MYO3A: variants seen among roughly 807,000 people sequenced by gnomAD.
MYO3A encodes myosin-IIIa.
In MYO3A, 180 loss-of-function variants were observed where a neutral mutation model predicts 192.7. The ratio of observed to expected loss-of-function variants is 0.93; its 90% CI spans 0.83 to 1.06. The LOEUF (loss-of-function observed/expected upper bound fraction) is 1.06. MYO3A is among the 50% of genes least tolerant of loss of function. The probability of loss-of-function intolerance (pLI) is 0.00; values close to 1 mark genes in which losing one functional copy is unlikely to be tolerated. For synonymous variants in MYO3A, 628 were observed against 645.3 expected, an observed-to-expected ratio of 0.97 and a Z score of 0.41; for missense variants, 1,896 against 1,905.0, an observed-to-expected ratio of 1.00 and a Z score of 0.09.
intron 31 of MYO3A, among the ~76,000 whole-genome samples, chr10:26,186,864 G>C (rs527783504): frequency 6.6e-6 from 1 of 152,098 alleles, no homozygotes; most frequent in East Asian, 1.9e-4. Context: ...CCAAATAAAG[G>C]TTTTTGCCTA....
intron 17 of MYO3A, among the ~76,000 whole-genome samples, chr10:26,118,616 G>A (rs1008687526): frequency 5.3e-5 from 8 of 151,256 alleles, no homozygotes; most frequent in African/African-American, 1.5e-4. Flanking sequence ...CTGGCAATTA[G>A]CACATAAATC....
At position 26,008,277 on chromosome 10, in the gene MYO3A, A is replaced by G. The variant is rs1165848627; in HGVS notation, c.509-8543A>G. On this transcript the variant is annotated intron_variant, in intron 6 of 34. Coordinates refer to ENST00000642920, the MANE Select transcript of MYO3A (RefSeq NM_017433.5). ...AACCATTAGACCTAAAACCATAAAAACCCTAGAAGAAAACCTAGGCATTAC... is the reference window on the plus strand; with the variant it reads ...AACCATTAGACCTAAAACCATAAAAGCCCTAGAAGAAAACCTAGGCATTAC... Among the ~76,000 whole-genome samples the G allele has an allele frequency of 1.4e-5, 2 of 148,078 alleles. 1 individual carries two copies. Among genetic ancestry groups the G allele is most frequent in the African/African-American group, 5.2e-5 (2 of 38,214 alleles).
At position 26,163,993 on chromosome 10, in the gene MYO3A, A is replaced by G. The variant is rs527317414; in HGVS notation, c.3000-2074A>G. On this transcript the variant is annotated intron_variant, in intron 26 of 34. Transcript: ENST00000642920. ...AGAGCAAGACAGAACAGCCAATAAC[A>G]GCAAGTGCTGCAGAAAAAACGCTTA... is the stretch of plus-strand genomic sequence containing the variant. 3.9e-5 allele frequency among the ~76,000 whole-genome samples: 6 copies of G among 152,368 alleles called. 1 individual carries two copies. The South Asian group carries it at 1.2e-3, about 32-fold the overall frequency.
At chr10:25,968,819 T>C (rs1367121830) in intron 4 of MYO3A, among the ~76,000 whole-genome samples, 4 of 152,234 alleles carry the variant, frequency 2.6e-5, no homozygotes, top group Non-Finnish European at 5.9e-5. Context: ...AGAATGTGAA[T>C]TATCTTCTTG....
At chr10:26,020,860 A>T (rs1264636957) in intron 7 of MYO3A, among the ~76,000 whole-genome samples, 1 of 152,230 alleles carries the variant, frequency 6.6e-6, no homozygotes, top group Non-Finnish European at 1.5e-5. Context: ...TCTTTCGATT[A>T]CTGACATGTT....
chr10:26,141,666 T>C (rs978836898), intron 20 of MYO3A, among the ~76,000 whole-genome samples: 6 of 152,188 alleles, frequency 3.9e-5, no homozygotes, highest in Non-Finnish European at 7.3e-5. Flanking sequence ...GCATGATGTG[T>C]CTAACAGTAA....
At chr10:26,192,204 G>A (rs145189946) in intron 31 of MYO3A, among the ~76,000 whole-genome samples, 6 of 152,130 alleles carry the variant, frequency 3.9e-5, no homozygotes, top group Non-Finnish European at 5.9e-5. Flanking sequence ...TGTTGCTCCC[G>A]GTTTGAGATC....
intron 20 of MYO3A, among the ~76,000 whole-genome samples, chr10:26,142,915 A>G (rs1428004597): frequency 6.6e-6 from 1 of 152,194 alleles, no homozygotes; most frequent in Non-Finnish European, 1.5e-5. Flanking sequence ...AAAACTTAGG[A>G]TGTCCATAAT....
chr10:25,942,717 T>C (rs999349109), intron 2 of MYO3A, among the ~76,000 whole-genome samples: 3 of 152,204 alleles, frequency 2.0e-5, no homozygotes, highest in Non-Finnish European at 4.4e-5. Flanking sequence ...CATCATTTCA[T>C]ATGCTCATTG....
chr10:26,065,159 CT>C (rs1834738430), intron 10 of MYO3A, among the ~76,000 whole-genome samples: 1 of 152,138 alleles, frequency 6.6e-6, no homozygotes, highest in Non-Finnish European at 1.5e-5. Flanking sequence ...TCAAGAACGC[CT>C]TTGTTAAATG....
At chr10:26,083,578 A>G (rs752970452) in intron 14 of MYO3A, among the ~76,000 whole-genome samples, 3 of 152,186 alleles carry the variant, frequency 2.0e-5, no homozygotes, top group Non-Finnish European at 4.4e-5. Flanking sequence ...AACAGATACT[A>G]TTGGAAAAGC....
At chr10:26,045,516 A>G (rs766724703) in intron 10 of MYO3A, among the ~76,000 whole-genome samples, 1 of 152,160 alleles carries the variant, frequency 6.6e-6, no homozygotes. Flanking sequence ...AACAATAAGC[A>G]TATCTTTTGT....
At position 25,941,402 on chromosome 10, in the gene MYO3A, C is replaced by G. The variant is rs984440864; in HGVS notation, c.-18+5572C>G. 2.0e-5 allele frequency among the ~76,000 whole-genome samples: 3 copies of G among 152,238 alleles called. No homozygotes were observed. The East Asian group carries it at 5.8e-4, about 29-fold the overall frequency. ...GACTCACTGGCAGAATTTCTCAGGG[C>G]AGGAAGCCAGCTGGACAAGGAGTGT... On this transcript the variant is annotated intron_variant, in intron 2 of 34. Coordinates refer to ENST00000642920, the MANE Select transcript of MYO3A (RefSeq NM_017433.5).
intron 4 of MYO3A, among the ~76,000 whole-genome samples, chr10:25,966,297 T>C (rs967002775): frequency 1.3e-5 from 2 of 152,206 alleles, no homozygotes; most frequent in Non-Finnish European, 2.9e-5. Context: ...AATTTATTTA[T>C]TCTATAAATA....
At chr10:26,001,131 CAG>C (rs1397081291) in intron 6 of MYO3A, among the ~76,000 whole-genome samples, 8 of 152,124 alleles carry the variant, frequency 5.3e-5, no homozygotes, top group Non-Finnish European at 1.2e-4. Flanking sequence ...GGTGGGGACA[CAG>C]AACCAAATGA....
At chr10:26,009,673 G>T (rs1211962524) in intron 6 of MYO3A, among the ~76,000 whole-genome samples, 3 of 152,202 alleles carry the variant, frequency 2.0e-5, no homozygotes, top group Non-Finnish European at 4.4e-5. Flanking sequence ...TTTATTAAGA[G>T]CTACCAAGTG....
intron 10 of MYO3A, among the ~76,000 whole-genome samples, chr10:26,039,464 A>G (rs1843218726): frequency 6.6e-6 from 1 of 152,022 alleles, no homozygotes; most frequent in Middle Eastern, 3.4e-3. Context: ...GAGGATTGGC[A>G]TTAGTTCTTT....
Position 26,120,488 on chromosome 10 carries a change from A to G in MYO3A, c.1777-188A>G, listed in dbSNP as rs1181911347. On this transcript the variant is annotated intron_variant, in intron 17 of 34. Transcript: ENST00000642920. Reference sequence around the variant, plus strand: ...AAATTTATTTTAAGTAACAGGCACTATGCTAACCTCTGAGGTTAAAATAAT... The same window carrying G: ...AAATTTATTTTAAGTAACAGGCACTGTGCTAACCTCTGAGGTTAAAATAAT... Among the ~76,000 whole-genome samples, 8 of 152,326 alleles carry G rather than the reference A, an allele frequency of 5.3e-5. No individual in the cohort carries two copies. The South Asian group carries it at 1.0e-3, about 20-fold the overall frequency.
chr10:26,054,481 A>G (rs1405422986), intron 10 of MYO3A, among the ~76,000 whole-genome samples: 1 of 151,956 alleles, frequency 6.6e-6, no homozygotes, highest in African/African-American at 2.4e-5. Flanking sequence ...TACATTTTCC[A>G]TTTGCCTTTC....
Sources: gnomAD v4.1 joint callset for allele counts (sites outside exome capture counted in the v4.1 genomes callset) on GRCh38, gnomAD v4.1.1 for gene constraint, MANE v1.5 for transcripts, NCBI Gene and HGNC (gene_info 2026-07-23, HGNC 2026-07-21) for gene names.